PIP4K2A: variants seen among roughly 807,000 people sequenced by gnomAD.
PIP4K2A encodes the protein phosphatidylinositol 5-phosphate 4-kinase type-2 alpha.
PIP4K2A carries 14 observed loss-of-function variants against 42.9 expected under a neutral mutation model. The ratio of observed to expected loss-of-function variants is 0.33; its 90% confidence interval spans 0.22 to 0.51. The LOEUF is 0.51. Among genes scored for constraint, PIP4K2A ranks in the 20% least tolerant of loss-of-function variants. The pLI is 0.97. For missense variants in PIP4K2A, 434 were observed against 519.8 expected (o/e 0.83, Z 1.61); for synonymous variants, 192 against 192.2 (o/e 1.00, Z 0.01).
At chr10:22,562,104 G>A (rs1836721463) in intron 6 of PIP4K2A, among the ~76,000 whole-genome samples, 1 of 152,090 alleles carries the variant, frequency 6.6e-6, no homozygotes, top group Non-Finnish European at 1.5e-5. Context: ...ATAAAAAGGA[G>A]TATTTATGAT....
chr10:22,704,162 T>C (rs1182867656), intron 1 of PIP4K2A, among the ~76,000 whole-genome samples: 3 of 152,110 alleles, frequency 2.0e-5, no homozygotes, highest in East Asian at 1.9e-4. Context: ...AATGAAATCA[T>C]GTAGGTAAAG....
chr10:22,652,931 C>T (rs960395853), intron 1 of PIP4K2A, among the ~76,000 whole-genome samples: 1 of 152,076 alleles, frequency 6.6e-6, no homozygotes, highest in Non-Finnish European at 1.5e-5. Flanking sequence ...CCCATCTCCA[C>T]AAAACCACAA....
intron 1 of PIP4K2A, among the ~76,000 whole-genome samples, chr10:22,682,534 T>TA (rs1215579849): frequency 4.0e-5 from 6 of 151,386 alleles, no homozygotes; most frequent in South Asian, 2.1e-4. Context: ...TCCATGAACC[T>TA]AAAAAAAAAG....
chr10:22,685,240 T>C (rs1839740053), intron 1 of PIP4K2A, among the ~76,000 whole-genome samples: 1 of 152,324 alleles, frequency 6.6e-6, no homozygotes, highest in Admixed American at 6.5e-5. Context: ...TCCCAGTGTA[T>C]ACTCTTCAAC....
chr10:22,579,734 C>T (rs889715732), intron 4 of PIP4K2A, among the ~76,000 whole-genome samples: 5 of 152,012 alleles, frequency 3.3e-5, no homozygotes, highest in African/African-American at 7.2e-5. Context: ...CATAGTGAAA[C>T]CCCGCCTCTA....
chr10:22,552,353 T>C (rs1012472534), intron 6 of PIP4K2A, among the ~76,000 whole-genome samples: 2 of 152,080 alleles, frequency 1.3e-5, no homozygotes, highest in Admixed American at 6.6e-5. Flanking sequence ...TTATGCTGAG[T>C]TATTGAGTCT....
intron 1 of PIP4K2A, among the ~76,000 whole-genome samples, chr10:22,656,762 A>T (rs924376041): frequency 1.7e-4 from 25 of 150,084 alleles, no homozygotes; most frequent in Non-Finnish European, 2.7e-4. Context: ...GTGCCACTGC[A>T]CTCCAGCCTG....
At chr10:22,623,593 G>A (rs1250311612) in intron 1 of PIP4K2A, among the ~76,000 whole-genome samples, 2 of 152,168 alleles carry the variant, frequency 1.3e-5, no homozygotes, top group African/African-American at 4.8e-5. Context: ...AACAGTAGGA[G>A]CTTAGAGGTT....
At chr10:22,659,399 C>G (rs967011367) in intron 1 of PIP4K2A, among the ~76,000 whole-genome samples, 4 of 152,162 alleles carry the variant, frequency 2.6e-5, no homozygotes, top group Non-Finnish European at 5.9e-5. Context: ...TTGAGACCGG[C>G]CTAGCCAATA....
Position 22,600,676 on chromosome 10 carries a change from G to A in PIP4K2A, c.339+7251C>T, listed in dbSNP as rs982441379. Among the ~76,000 whole-genome samples the A allele has an allele frequency of 2.0e-5, 3 of 152,188 alleles. No homozygotes were observed. In the East Asian group the frequency reaches 5.8e-4, roughly 29 times the overall value. ...ACATGCCTCGAATCACACGGCCCAG[G>A]AGACAGGAGCAACTTGTCTGGAGAA... On this transcript the variant is annotated intron_variant, in intron 3 of 9. Transcript: ENST00000376573.
intron 5 of PIP4K2A, among the ~76,000 whole-genome samples, chr10:22,570,662 C>G (rs1051410285): frequency 6.6e-6 from 1 of 152,128 alleles, no homozygotes; most frequent in Non-Finnish European, 1.5e-5. Context: ...CCTGGGGTCC[C>G]AAGACCAAAA....
chr10:22,549,838 C>CAAAAAAA (rs56349240), intron 7 of PIP4K2A, among the ~76,000 whole-genome samples: 4 of 70,130 alleles, frequency 5.7e-5, no homozygotes, highest in Admixed American at 2.4e-4. Flanking sequence ...GAATCCATCT[C>CAAAAAAA]AAAAAAAAAA....
Position 22,537,085 on chromosome 10 carries a change from A to G in PIP4K2A, c.*116T>C. ...GTCATCTTGGCCTGAAGATGTAAAC[A>G]AGGAGGTTTGCTTCCTGCAAGATGA... On this transcript the variant is annotated 3_prime_UTR_variant, in exon 10 of 10. Coordinates refer to ENST00000376573, the MANE Select transcript of PIP4K2A (RefSeq NM_005028.5). 1.4e-6 allele frequency: 1 copy of G among 727,946 alleles called. No homozygotes were observed. Among genetic ancestry groups the G allele is most frequent in the Admixed American group, 2.7e-5 (1 of 37,396 alleles). 45.1% of individuals were successfully genotyped at this position (727,946 alleles called of 1,614,324 possible).
chr10:22,543,326 G>A (rs1218121440), intron 7 of PIP4K2A, among the ~76,000 whole-genome samples: 1 of 152,114 alleles, frequency 6.6e-6, no homozygotes, highest in Non-Finnish European at 1.5e-5. Context: ...CTCCCACTTC[G>A]CTGCCTTCCC....
chr10:22,683,820 T>C (rs929210521), intron 1 of PIP4K2A, among the ~76,000 whole-genome samples: 41 of 146,292 alleles, frequency 2.8e-4, no homozygotes, highest in African/African-American at 1.1e-3. Context: ...TCTTGTAGCT[T>C]TCCTACCAAG....
In PIP4K2A at chr10:22,559,633, T is replaced by C. The variant is rs148913145; in HGVS notation, c.678+8218A>G. 7.6e-4 allele frequency among the ~76,000 whole-genome samples: 116 copies of C among 152,346 alleles called. 1 individual carries two copies. The highest frequency in any genetic ancestry group is 5.9e-3 in the Admixed American group (90 of 15,294). On this transcript the variant is annotated intron_variant, in intron 6 of 9. Transcript: ENST00000376573. ...TCATGGTTTATGGGGTTCTTATCTA[T>C]ATTTGCTGAACAGAACATTTTTTTC...
chr10:22,559,897 C>A (rs1031277219), intron 6 of PIP4K2A, among the ~76,000 whole-genome samples: 1 of 152,108 alleles, frequency 6.6e-6, no homozygotes, highest in African/African-American at 2.4e-5. Context: ...ATACTCAAAC[C>A]CCATTAATGC....
chr10:22,588,290 T>G (rs566008766), intron 4 of PIP4K2A, among the ~76,000 whole-genome samples: 1 of 151,840 alleles, frequency 6.6e-6, no homozygotes, highest in Non-Finnish European at 1.5e-5. Flanking sequence ...CGGACAATTT[T>G]TTTTTAAGTT....
intron 4 of PIP4K2A, among the ~76,000 whole-genome samples, chr10:22,583,655 A>G (rs748763699): frequency 8.5e-5 from 13 of 152,198 alleles, no homozygotes; most frequent in Non-Finnish European, 1.3e-4. Context: ...TGCAGAAACA[A>G]AACTCTCAGA....
Sources: gnomAD v4.1 joint callset for allele counts (sites outside exome capture counted in the v4.1 genomes callset) on GRCh38, gnomAD v4.1.1 for gene constraint, MANE v1.5 for transcripts, NCBI Gene and HGNC (gene_info 2026-07-23, HGNC 2026-07-21) for gene names.